The following CMC2 variants were observed in gnomAD, a reference collection of about 807,000 sequenced individuals.
CMC2 encodes COX assembly mitochondrial protein 2 homolog.
CMC2 carries 5 observed loss-of-function variants against 7.5 expected under a neutral mutation model. That is an observed-to-expected ratio of 0.66 (90% CI 0.35 to 1.40). CMC2 has a LOEUF of 1.40. CMC2 is among the 40% of genes most tolerant of loss of function. CMC2 has a pLI of 0.04. For synonymous variants in CMC2, 37 were observed against 31.4 expected (o/e 1.18, Z -0.60); for missense variants, 115 against 92.3 (o/e 1.25, Z -1.01).
In CMC2 at chr16:80,967,996, G is replaced by C. The variant is rs184019823; in HGVS notation, c.*8097C>G. ...AAAAACTTAAATACAAAAGTTATTT[G>C]AGGAAACTGCTTAAAAATTAAATGC... On this transcript the variant is annotated 3_prime_UTR_variant, in exon 4 of 4. Transcript: ENST00000219400. 8 of 152,036 alleles carry C rather than the reference G, an allele frequency of 5.3e-5. No individual in the cohort carries two copies. The highest frequency in any genetic ancestry group is 5.2e-4 in the Admixed American group (8 of 15,264). 9.4% of individuals were successfully genotyped at this position (152,036 alleles called of 1,614,324 possible).
At position 80,973,842 on chromosome 16, in the gene CMC2, G is replaced by A. The variant is rs1912097239; in HGVS notation, c.*2251C>T. 2 of 152,212 alleles carry A rather than the reference G, an allele frequency of 1.3e-5. No individual in the cohort carries two copies. 9.4% of individuals were successfully genotyped at this position (152,212 alleles called of 1,614,324 possible). A position where few individuals can be genotyped will look rare whatever the true frequency, so the allele number is the denominator to read the frequency against. On this transcript the variant is annotated 3_prime_UTR_variant, in exon 4 of 4. Coordinates refer to ENST00000219400, the MANE Select transcript of CMC2 (RefSeq NM_020188.5). The stretch of plus-strand genomic sequence containing the variant: ...CAACAGCTGCAACACAAGAGAGTAA[G>A]ACCTAAAAACAGTAGGTGGTTTGAA...
At chr16:80,976,202 G>T (rs765409124) in intron 3 of CMC2, 23 bp from the exon 4 acceptor site, 8 of 1,351,458 alleles carry the variant, frequency 5.9e-6, no homozygotes, top group South Asian at 2.5e-5. Context: ...AGAAGGGGGG[G>T]AGAAAAGAAA....
intron 2 of CMC2, among the ~76,000 whole-genome samples, chr16:80,985,765 A>G (rs376038846): frequency 6.6e-6 from 1 of 152,232 alleles, no homozygotes; most frequent in African/African-American, 2.4e-5. Flanking sequence ...GAAACGACCA[A>G]CTAAGCTGAA....
Position 80,968,145 on chromosome 16 carries a change from T to C in CMC2, c.*7948A>G, listed in dbSNP as rs1911682076. On this transcript the variant is annotated 3_prime_UTR_variant, in exon 4 of 4. Coordinates refer to ENST00000219400, the MANE Select transcript of CMC2 (RefSeq NM_020188.5). ...TCTAAGTCAATGCTTCTCCAATTTT[T>C]ATATGCATGCAAATCATCTGGGGAT... 6.6e-6 allele frequency: 1 copy of C among 152,218 alleles called. No homozygotes were observed. Among genetic ancestry groups the C allele is most frequent in the Admixed American group, 6.5e-5 (1 of 15,286 alleles). 9.4% of individuals were successfully genotyped at this position (152,218 alleles called of 1,614,324 possible).
chr16:81,005,506 A>C (rs1385005108), intron 1 of CMC2, among the ~76,000 whole-genome samples: 4 of 151,690 alleles, frequency 2.6e-5, no homozygotes, highest in Non-Finnish European at 5.9e-5. Flanking sequence ...TTATTTTTCA[A>C]CTTTTCAAGC....
In CMC2 at chr16:80,969,930, G is replaced by A. The variant is rs1381068603; in HGVS notation, c.*6163C>T. 6.6e-6 allele frequency: 1 copy of A among 152,154 alleles called. No homozygotes were observed. The highest frequency in any genetic ancestry group is 2.4e-5 in the African/African-American group (1 of 41,442). 9.4% of individuals were successfully genotyped at this position (152,154 alleles called of 1,614,324 possible). ...AACCCATGGAATATTGTTCCCATGA[G>A]AACTTCCTTAGGAATCTGCTGGAAA... On this transcript the variant is annotated 3_prime_UTR_variant, in exon 4 of 4. Transcript: ENST00000219400.
At chr16:80,977,856 G>A (rs1236980654) in intron 3 of CMC2, among the ~76,000 whole-genome samples, 1 of 152,190 alleles carries the variant, frequency 6.6e-6, no homozygotes, top group Non-Finnish European at 1.5e-5. Context: ...CAGATCACCT[G>A]AGGTCAGGAG....
intron 3 of CMC2, among the ~76,000 whole-genome samples, chr16:80,977,575 G>C (rs1241487384): frequency 6.6e-6 from 1 of 152,102 alleles, no homozygotes; most frequent in Non-Finnish European, 1.5e-5. Flanking sequence ...AGCTCATCAG[G>C]GACAAACCCC....
chr16:80,989,665 T>C (rs966515199), intron 2 of CMC2, among the ~76,000 whole-genome samples: 1 of 150,246 alleles, frequency 6.7e-6, no homozygotes, highest in East Asian at 2.0e-4. Flanking sequence ...AAAACATATA[T>C]TGAATATATA....
chr16:80,976,108 C>G lies in CMC2; in HGVS notation c.225G>C (p.Glu75Asp). 3 of 1,601,882 alleles carry G rather than the reference C, an allele frequency of 1.9e-6. No individual in the cohort carries two copies. Among genetic ancestry groups the G allele is most frequent in the Non-Finnish European group, 2.6e-6 (3 of 1,169,246 alleles). ...AAAATACAATTTATTTTTCGGATTCCTCTGGAGGATTAAAAAGTTTCTTTC... is the reference window on the plus strand; with the variant it reads ...AAAATACAATTTATTTTTCGGATTCGTCTGGAGGATTAAAAAGTTTCTTTC... ...AMRKKLFNPP[E>D]ESEK The change falls in exon 4 of 4, where the codon GAG (glutamate) becomes GAC (aspartate). Residue 75 changes from glutamate (E) to aspartate (D), a missense_variant. Transcript: ENST00000219400.
chr16:81,000,089 G>C (rs1968742144), intron 1 of CMC2, among the ~76,000 whole-genome samples: 1 of 152,090 alleles, frequency 6.6e-6, no homozygotes, highest in African/African-American at 2.4e-5. Flanking sequence ...ATAGAATAAA[G>C]ACAACCTACA....
At chr16:80,993,212 A>C (rs931882724) in intron 2 of CMC2, among the ~76,000 whole-genome samples, 3 of 152,248 alleles carry the variant, frequency 2.0e-5, no homozygotes, top group Admixed American at 1.3e-4. Flanking sequence ...ATATAAAACA[A>C]CTATTTTCAG....
chr16:81,005,071 T>C (rs1969159020), intron 1 of CMC2, among the ~76,000 whole-genome samples: 2 of 152,342 alleles, frequency 1.3e-5, no homozygotes, highest in East Asian at 3.9e-4. Context: ...GAAAAGTCTG[T>C]TGTGCAGAGT....
chr16:80,988,806 CT>C (rs34666072), intron 2 of CMC2, among the ~76,000 whole-genome samples: 4 of 151,320 alleles, frequency 2.6e-5, no homozygotes, highest in African/African-American at 7.3e-5. Context: ...TCTTTTTAGT[CT>C]TTTTTTTTTC....
At chr16:80,983,818 C>A (rs1967315269) in intron 2 of CMC2, 3 of 152,224 alleles carry the variant, frequency 2.0e-5, no homozygotes, top group African/African-American at 7.2e-5. Context: ...CCCATCTCTA[C>A]TAAAAATACA....
Position 80,969,116 on chromosome 16 carries a change from A to G in CMC2, c.*6977T>C, listed in dbSNP as rs1911747206. ...AAAGTTACTGGTGGGAAATTCTGGA[A>G]AGATAGTTGTGACTGTGGAAGCAAC... On this transcript the variant is annotated 3_prime_UTR_variant, in exon 4 of 4. Transcript: ENST00000219400. 1 of 152,208 alleles carries G rather than the reference A, an allele frequency of 6.6e-6. No individual in the cohort carries two copies. Among genetic ancestry groups the G allele is most frequent in the Non-Finnish European group, 1.5e-5 (1 of 68,050 alleles). The allele number at this position is 152,208 out of a possible 1,614,324, so 9.4% of individuals were successfully genotyped here.
At chr16:80,983,010 C>A in intron 2 of CMC2, 1 of 188,552 alleles carries the variant, frequency 5.3e-6, no homozygotes, top group Non-Finnish European at 1.1e-5. Flanking sequence ...GGTTACCTAC[C>A]ATTTCGGACT....
chr16:80,976,942 T>C (rs1205588364), intron 3 of CMC2, among the ~76,000 whole-genome samples: 2 of 151,762 alleles, frequency 1.3e-5, no homozygotes, highest in Non-Finnish European at 1.5e-5. Flanking sequence ...TTAACATTAA[T>C]GCCCCTTACC....
chr16:80,985,554 T>C (rs77662741), intron 2 of CMC2, among the ~76,000 whole-genome samples: 1 of 152,290 alleles, frequency 6.6e-6, no homozygotes, highest in East Asian at 1.9e-4. Context: ...TTCTCAGCCT[T>C]CATTTCTAAT....
Sources: allele counts gnomAD v4.1 joint callset (sites outside exome capture counted in the v4.1 genomes callset), GRCh38; gene constraint gnomAD v4.1.1; transcripts MANE v1.5; gene names NCBI Gene and HGNC (gene_info 2026-07-23, HGNC 2026-07-21).